DST: variants seen among roughly 807,000 people sequenced by gnomAD.
The protein encoded by DST is bullous pemphigoid antigen.
In DST, 253 loss-of-function variants were observed where a neutral mutation model predicts 875.2. The observed-to-expected ratio is 0.29, with a 90% CI of 0.26 to 0.32. DST has a LOEUF of 0.32. DST is among the 10% of genes least tolerant of loss of function. DST has a pLI of 1.00. For synonymous variants in DST, 3,124 were observed against 3,197.1 expected, an observed-to-expected ratio of 0.98 and a Z score of 0.77; for missense variants, 8,287 against 9,111.6, an observed-to-expected ratio of 0.91 and a Z score of 3.68.
intron 36 of DST, among the ~76,000 whole-genome samples, chr6:56,622,957 C>T (rs896313800): frequency 1.3e-5 from 2 of 152,162 alleles, no homozygotes; most frequent in African/African-American, 4.8e-5. Flanking sequence ...TGTGGGTCTT[C>T]AAACCTCAGT....
At chr6:56,819,890 AAGCATTCATATATTAAGGATAGT>A (rs1193025211) in intron 4 of DST, among the ~76,000 whole-genome samples, 1 of 152,238 alleles carries the variant, frequency 6.6e-6, no homozygotes, top group African/African-American at 2.4e-5. Context: ...TGATTTATAT[AAGCATTCATATATTAAGGATAGT>A]AACATTTCGT....
chr6:56,764,068 C>T (rs982791840), intron 4 of DST, among the ~76,000 whole-genome samples: 2 of 148,760 alleles, frequency 1.3e-5, no homozygotes, highest in African/African-American at 5.0e-5. Context: ...CCCTTCCTCA[C>T]AGTCAAAACC....
intron 4 of DST, among the ~76,000 whole-genome samples, chr6:56,772,918 A>G (rs1316561272): frequency 2.0e-5 from 3 of 152,174 alleles, no homozygotes; most frequent in Admixed American, 1.3e-4. Context: ...ATTATAAAAG[A>G]CAAAATCTTC....
chr6:56,554,329 C>T (rs1159404006), intron 60 of DST, among the ~76,000 whole-genome samples: 1 of 151,982 alleles, frequency 6.6e-6, no homozygotes, highest in Admixed American at 6.6e-5. Context: ...CGTGATCCGC[C>T]GGCCTCGGCC....
intron 55 of DST, among the ~76,000 whole-genome samples, chr6:56,562,412 A>G (rs1006335083): frequency 3.3e-5 from 5 of 151,908 alleles, no homozygotes; most frequent in African/African-American, 1.2e-4. Context: ...AAACACTACC[A>G]TTTCAGTATG....
At chr6:56,936,641 T>A (rs1466536514) in intron 2 of DST, among the ~76,000 whole-genome samples, 1 of 152,152 alleles carries the variant, frequency 6.6e-6, no homozygotes, top group Non-Finnish European at 1.5e-5. Flanking sequence ...GGTTTTTATC[T>A]TCCTTCCTGG....
In DST at chr6:56,633,053, G is replaced by C; in HGVS notation, c.3622-16C>G. 1 of 1,610,532 alleles carries C rather than the reference G, an allele frequency of 6.2e-7. No individual in the cohort carries two copies. Among genetic ancestry groups the C allele is most frequent in the Non-Finnish European group, 8.5e-7 (1 of 1,177,114 alleles). On this transcript the variant is annotated splice_polypyrimidine_tract_variant and intron_variant, in intron 27 of 103. Transcript: ENST00000680361. ...TTGTCTTTATCTAAAGAAGACCAAA[G>C]ACCCATGTAATTCATTCTATTACTC...
At chr6:56,843,107 C>A in intron 4 of DST, 9 of 1,573,778 alleles carry the variant, frequency 5.7e-6, no homozygotes, top group Non-Finnish European at 7.8e-6. Context: ...CCTGCTCCTC[C>A]ACGTACAGGT....
Position 56,619,962 on chromosome 6 carries a change from T to G in DST, c.4929+4568A>C. On this transcript the variant is annotated intron_variant, in intron 36 of 103. Coordinates refer to ENST00000680361, the MANE Select transcript of DST (RefSeq NM_001374736.1). ...TGTTTGAGTTCTTCTGCTTTCTGCT[T>G]GTCATGTTCTTGCTGGAGACCCGTT... 1.2e-6 allele frequency: 2 copies of G among 1,614,146 alleles called. No homozygotes were observed. The highest frequency in any genetic ancestry group is 1.7e-6 in the Non-Finnish European group (2 of 1,180,012).
At chr6:56,489,441 T>C (rs368864966) in intron 86 of DST, 49 bp downstream of exon 86, 6 of 1,561,486 alleles carry the variant, frequency 3.8e-6, no homozygotes, top group Non-Finnish European at 5.2e-6. Context: ...TTTAAAGTGA[T>C]CTTGAACTAT....
At chr6:56,525,311 C>T (rs1325218668) in intron 69 of DST, among the ~76,000 whole-genome samples, 1 of 152,116 alleles carries the variant, frequency 6.6e-6, no homozygotes, top group Non-Finnish European at 1.5e-5. Context: ...ATGAGGCATA[C>T]AAACTCCTCT....
intron 36 of DST, chr6:56,616,409 T>C: frequency 1.9e-6 from 3 of 1,614,042 alleles, no homozygotes; most frequent in East Asian, 4.5e-5. Flanking sequence ...GAAAGCCTCA[T>C]ACACGGTCAA....
In DST at chr6:56,694,431, A is replaced by G. The variant is rs1340067288; in HGVS notation, c.1047+5222T>C. Among the ~76,000 whole-genome samples, 5 of 152,140 alleles carry G rather than the reference A, an allele frequency of 3.3e-5. No homozygotes were observed. The East Asian group carries it at 9.6e-4, about 29-fold the overall frequency. On this transcript the variant is annotated intron_variant, in intron 9 of 103. Transcript: ENST00000680361. ...TCAATAACAGATCCTGCATTGTAAA[A>G]TTTTCCTTAATCATTTAAAAACATT...
At chr6:56,758,112 A>G (rs1455081307) in intron 4 of DST, among the ~76,000 whole-genome samples, 7 of 152,218 alleles carry the variant, frequency 4.6e-5, no homozygotes, top group Admixed American at 3.9e-4. Context: ...ACTTTTCCCC[A>G]TATCCTTGTA....
Position 56,506,799 on chromosome 6 carries a change from GAA to G in DST, c.19240-12_19240-11del. ...TTTCTTCCCTTATGGTCTAGAATAA[GAA>G]AATGACAGCCTTAGAATTTTAAGCA... On this transcript the variant is annotated splice_polypyrimidine_tract_variant and intron_variant, in intron 75 of 103. Coordinates refer to ENST00000680361, the MANE Select transcript of DST (RefSeq NM_001374736.1). The G allele has an allele frequency of 6.2e-7, 1 of 1,601,606 alleles. No homozygotes were observed. The highest frequency in any genetic ancestry group is 1.7e-5 in the Admixed American group (1 of 57,700).
At chr6:56,609,436 ACATTT>A in intron 39 of DST, 92 bp from the exon 40 acceptor site, 1 of 880,768 alleles carries the variant, frequency 1.1e-6, no homozygotes, top group Non-Finnish European at 1.8e-6. Flanking sequence ...AATAAATAAT[ACATTT>A]CAACATAAAA....
chr6:56,533,902 A>C (rs546650283), intron 63 of DST, among the ~76,000 whole-genome samples: 1 of 152,282 alleles, frequency 6.6e-6, no homozygotes, highest in South Asian at 2.1e-4. Context: ...TACAAAAAAA[A>C]AATTGAGGGT....
chr6:56,843,478 G>C (rs2099803024), intron 4 of DST: 1 of 994,502 alleles, frequency 1.0e-6, no homozygotes, highest in Non-Finnish European at 1.2e-6. Context: ...GGAGCGGGGC[G>C]TGCGGCGAGG....
intron 9 of DST, among the ~76,000 whole-genome samples, chr6:56,693,936 C>T (rs745363053): frequency 1.7e-4 from 25 of 151,232 alleles, no homozygotes; most frequent in Admixed American, 5.9e-4. Context: ...AATTTCCAAG[C>T]CATGACCTTA....
Sources: allele counts gnomAD v4.1 joint callset (sites outside exome capture counted in the v4.1 genomes callset), GRCh38; gene constraint gnomAD v4.1.1; transcripts MANE v1.5; gene names NCBI Gene and HGNC (gene_info 2026-07-23, HGNC 2026-07-21).